SMOC2: variants seen among roughly 807,000 people sequenced by gnomAD.
SMOC2 encodes SPARC-related modular calcium-binding protein 2.
A neutral mutation model predicts 61.4 loss-of-function variants in SMOC2; 39 were observed. That is an observed-to-expected ratio of 0.64 (90% confidence interval 0.49 to 0.83). SMOC2 has a LOEUF of 0.83. Ranked by LOEUF, SMOC2 falls within the 40% of genes least tolerant of loss-of-function variation. The pLI, the probability that SMOC2 is intolerant of heterozygous loss-of-function variation, is 0.00. For missense variants in SMOC2, 556 were observed against 592.9 expected, an observed-to-expected ratio of 0.94 and a Z score of 0.65; for synonymous variants, 247 against 239.9, an observed-to-expected ratio of 1.03 and a Z score of -0.27.
intron 1 of SMOC2, among the ~76,000 whole-genome samples, chr6:168,446,872 CAG>C (rs1199645866): frequency 6.6e-6 from 1 of 152,150 alleles, no homozygotes; most frequent in Non-Finnish European, 1.5e-5. Context: ...TTTTTCAACA[CAG>C]AGAGTCTCAG....
chr6:168,620,437 G>A (rs1328887683), intron 9 of SMOC2, among the ~76,000 whole-genome samples: 2 of 152,128 alleles, frequency 1.3e-5, no homozygotes, highest in Non-Finnish European at 2.9e-5. Context: ...AGACCTGGCT[G>A]TGAGGATTGC....
chr6:168,564,221 A>G (rs1784491176), intron 7 of SMOC2, among the ~76,000 whole-genome samples: 1 of 152,030 alleles, frequency 6.6e-6, no homozygotes, highest in African/African-American at 2.4e-5. Context: ...TACCAGATTT[A>G]TGATTCACAC....
chr6:168,613,903 C>T (rs1473210931), intron 9 of SMOC2, among the ~76,000 whole-genome samples: 1 of 87,684 alleles, frequency 1.1e-5, no homozygotes, highest in East Asian at 3.9e-4. Flanking sequence ...ACACCTACAG[C>T]CAGCACAGGG....
intron 11 of SMOC2, among the ~76,000 whole-genome samples, chr6:168,663,246 A>G (rs1052106505): frequency 3.3e-5 from 5 of 152,186 alleles, no homozygotes; most frequent in African/African-American, 9.7e-5. Flanking sequence ...TGAGAGCAGG[A>G]AGGAGACTTT....
At chr6:168,644,390 T>C (rs1347311196) in intron 9 of SMOC2, among the ~76,000 whole-genome samples, 5 of 152,196 alleles carry the variant, frequency 3.3e-5, no homozygotes, top group Non-Finnish European at 7.3e-5. Context: ...TCTAGCTGTT[T>C]GTGAAAAGAC....
At chr6:168,543,933 CT>C (rs1407874572) in intron 5 of SMOC2, among the ~76,000 whole-genome samples, 6 of 152,152 alleles carry the variant, frequency 3.9e-5, no homozygotes, top group African/African-American at 1.4e-4. Context: ...TTAGGACCCC[CT>C]GGAACCTCCC....
At chr6:168,559,662 T>C (rs529187111) in intron 7 of SMOC2, among the ~76,000 whole-genome samples, 1 of 152,168 alleles carries the variant, frequency 6.6e-6, no homozygotes, top group African/African-American at 2.4e-5. Context: ...CCTGTGCTCA[T>C]CTGCCAGCCA....
rs576368193 is a variant in SMOC2 at position 168,530,688 on chromosome 6, G to A, written c.463+2961G>A. 1.5e-3 allele frequency among the ~76,000 whole-genome samples: 205 copies of A among 134,032 alleles called. 1 individual carries two copies. The highest frequency in any genetic ancestry group is 5.8e-3 in the African/African-American group (193 of 33,474). 87.9% of individuals were successfully genotyped at this position (134,032 alleles called of 152,430 possible). On this transcript the variant is annotated intron_variant, in intron 4 of 12. Coordinates refer to ENST00000356284, the MANE Select transcript of SMOC2 (RefSeq NM_001166412.2). ...ACTGCTCTGGCAGAAATGAAAAACC[G>A]TGATTCTATGACTTGCTGGTGAGGA...
At chr6:168,456,049 A>AC (rs1386526201) in intron 1 of SMOC2, among the ~76,000 whole-genome samples, 2 of 152,170 alleles carry the variant, frequency 1.3e-5, no homozygotes, top group Non-Finnish European at 2.9e-5. Context: ...TACCAGGGCC[A>AC]CCCCAGAGCC....
At chr6:168,525,736 G>A (rs1783438220) in intron 2 of SMOC2, among the ~76,000 whole-genome samples, 1 of 152,174 alleles carries the variant, frequency 6.6e-6, no homozygotes, top group South Asian at 2.1e-4. Flanking sequence ...GAAGGTGGAA[G>A]AGGCAGGACG....
intron 4 of SMOC2, among the ~76,000 whole-genome samples, chr6:168,537,055 C>T (rs745908032): frequency 2.6e-5 from 4 of 152,360 alleles, no homozygotes; most frequent in South Asian, 2.1e-4. Flanking sequence ...TCACCTCCCT[C>T]GGCCGGCCAG....
intron 4 of SMOC2, among the ~76,000 whole-genome samples, chr6:168,534,823 CT>C (rs1185800806): frequency 6.6e-6 from 1 of 152,132 alleles, no homozygotes; most frequent in Non-Finnish European, 1.5e-5. Flanking sequence ...TGCACCTCAT[CT>C]ACAAGTGACT....
intron 5 of SMOC2, 29 bp downstream of exon 5, chr6:168,543,701 C>G (rs149911851): frequency 6.3e-7 from 1 of 1,587,256 alleles, no homozygotes; most frequent in South Asian, 1.1e-5. Context: ...ATGTCTATGA[C>G]GATATGTAAC....
intron 4 of SMOC2, among the ~76,000 whole-genome samples, chr6:168,534,566 T>C (rs890276620): frequency 7.2e-5 from 11 of 152,256 alleles, no homozygotes; most frequent in Non-Finnish European, 1.6e-4. Flanking sequence ...CTTTTCTTTT[T>C]AAAGTTGGAC....
At chr6:168,619,690 G>A (rs764930028) in intron 9 of SMOC2, among the ~76,000 whole-genome samples, 12 of 152,082 alleles carry the variant, frequency 7.9e-5, no homozygotes, top group South Asian at 2.1e-4. Flanking sequence ...CCCGTTTGCC[G>A]CTGACTCAGG....
chr6:168,622,800 C>T (rs1014998932), intron 9 of SMOC2, among the ~76,000 whole-genome samples: 18 of 152,136 alleles, frequency 1.2e-4, no homozygotes, highest in Non-Finnish European at 2.6e-4. Context: ...AAGTAGATGC[C>T]TTTTGTGCCT....
chr6:168,509,863 C>T, intron 1 of SMOC2, 52 bp from the exon 2 acceptor site: 1 of 1,555,858 alleles, frequency 6.4e-7, no homozygotes, highest in Non-Finnish European at 8.8e-7. Context: ...TTTTCTGCTG[C>T]TCTGAAGAAT....
At chr6:168,538,778 G>A (rs1191269837) in intron 4 of SMOC2, among the ~76,000 whole-genome samples, 1 of 145,086 alleles carries the variant, frequency 6.9e-6, no homozygotes, top group African/African-American at 2.6e-5. Flanking sequence ...CTGGGGAGCA[G>A]AGCGACCCCT....
At chr6:168,468,884 T>C (rs754278747) in intron 1 of SMOC2, among the ~76,000 whole-genome samples, 3 of 152,246 alleles carry the variant, frequency 2.0e-5, no homozygotes, top group Non-Finnish European at 1.5e-5. Context: ...CTCAGTAATG[T>C]CTTTAAATAG....
Sources: allele counts gnomAD v4.1 joint callset (sites outside exome capture counted in the v4.1 genomes callset), GRCh38; gene constraint gnomAD v4.1.1; transcripts MANE v1.5; gene names NCBI Gene and HGNC (gene_info 2026-07-23, HGNC 2026-07-21).